RELL1: variants seen among roughly 807,000 people sequenced by gnomAD.
The protein encoded by RELL1 is RELT-like protein 1.
A neutral mutation model predicts 23.0 loss-of-function variants in RELL1; 10 were observed. The observed-to-expected ratio is 0.43, with a 90% confidence interval of 0.27 to 0.74. The LOEUF is 0.74. Among genes scored for constraint, RELL1 ranks in the 30% least tolerant of loss-of-function variants. The pLI is 0.19. For missense variants in RELL1, 315 were observed against 364.4 expected (o/e 0.86, Z 1.10); for synonymous variants, 146 against 146.8 (o/e 0.99, Z 0.04).
intron 6 of RELL1, among the ~76,000 whole-genome samples, chr4:37,593,104 G>T (rs1718695215): frequency 6.6e-6 from 1 of 152,158 alleles, no homozygotes; most frequent in Non-Finnish European, 1.5e-5. Flanking sequence ...TAAAGTCTTG[G>T]CATTGTTAAT....
chr4:37,643,467 T>C (rs892877153), intron 3 of RELL1, among the ~76,000 whole-genome samples: 1 of 152,178 alleles, frequency 6.6e-6, no homozygotes, highest in Non-Finnish European at 1.5e-5. Context: ...TATATCATGA[T>C]TGCAAATGTT....
At chr4:37,674,386 A>T (rs1721947362) in intron 1 of RELL1, among the ~76,000 whole-genome samples, 1 of 152,250 alleles carries the variant, frequency 6.6e-6, no homozygotes, top group Admixed American at 6.5e-5. Flanking sequence ...CACGACTGTG[A>T]AATGAGTTTC....
chr4:37,629,207 A>C (rs965912212), intron 6 of RELL1, among the ~76,000 whole-genome samples: 2 of 152,172 alleles, frequency 1.3e-5, no homozygotes, highest in African/African-American at 4.8e-5. Context: ...TATGACCCAT[A>C]CTTTCTTTGC....
intron 1 of RELL1, among the ~76,000 whole-genome samples, chr4:37,679,180 G>A (rs1722122423): frequency 6.6e-6 from 1 of 152,166 alleles, no homozygotes; most frequent in African/African-American, 2.4e-5. Flanking sequence ...AAAGAGAACT[G>A]TGTTAGTAAC....
Position 37,612,475 on chromosome 4 carries a change from A to G in RELL1, c.*871T>C, listed in dbSNP as rs546905803. Among the ~76,000 whole-genome samples the G allele has an allele frequency of 2.0e-5, 3 of 152,038 alleles. No homozygotes were observed. In the South Asian group the frequency reaches 6.2e-4, roughly 32 times the overall value. On this transcript the variant is annotated 3_prime_UTR_variant, in exon 7 of 7. Coordinates refer to ENST00000454158, the MANE Select transcript of RELL1 (RefSeq NM_001085400.2). Reference sequence around the variant, plus strand: ...ATATAGTGATACCCCGTCTCTACTAAAAATACAAAAATTAGTCGAGCGTGG... The same window carrying G: ...ATATAGTGATACCCCGTCTCTACTAGAAATACAAAAATTAGTCGAGCGTGG...
intron 6 of RELL1, among the ~76,000 whole-genome samples, chr4:37,622,454 T>C (rs1719799674): frequency 6.6e-6 from 1 of 152,230 alleles, no homozygotes; most frequent in African/African-American, 2.4e-5. Flanking sequence ...CCTGCAGACT[T>C]TTAGGCTGTT....
At chr4:37,604,888 G>GAC (rs757621847) in intron 6 of RELL1, among the ~76,000 whole-genome samples, 6,354 of 61,044 alleles carry the variant, frequency 0.1, 233 homozygotes, top group Middle Eastern at 0.17. Flanking sequence ...CATACACACA[G>GAC]ACACACACAC....
At chr4:37,656,869 G>C (rs1338714027) in intron 1 of RELL1, among the ~76,000 whole-genome samples, 1 of 152,278 alleles carries the variant, frequency 6.6e-6, no homozygotes, top group African/African-American at 2.4e-5. Context: ...ATCCAATCTT[G>C]GACTTCCCAT....
chr4:37,647,333 T>C, intron 3 of RELL1, 35 bp downstream of exon 3: 2 of 1,461,554 alleles, frequency 1.4e-6, no homozygotes, highest in Non-Finnish European at 1.9e-6. Context: ...AGGATAGGAA[T>C]ACTGAATTGT....
chr4:37,676,808 TC>T (rs1722036627), intron 1 of RELL1, among the ~76,000 whole-genome samples: 1 of 152,008 alleles, frequency 6.6e-6, no homozygotes, highest in Non-Finnish European at 1.5e-5. Context: ...GGACCAAGAG[TC>T]CTAACACCTG....
intron 6 of RELL1, among the ~76,000 whole-genome samples, chr4:37,630,242 G>A (rs961626506): frequency 2.6e-5 from 4 of 151,712 alleles, no homozygotes; most frequent in African/African-American, 9.7e-5. Flanking sequence ...TTTTACAAGG[G>A]ATAAGAAACA....
chr4:37,666,221 G>A (rs1721524549), intron 1 of RELL1, among the ~76,000 whole-genome samples: 1 of 152,190 alleles, frequency 6.6e-6, no homozygotes, highest in African/African-American at 2.4e-5. Flanking sequence ...CAAGAACAAA[G>A]TATTGAAGCT....
intron 6 of RELL1, among the ~76,000 whole-genome samples, chr4:37,603,008 A>G (rs1274923677): frequency 6.6e-6 from 1 of 152,266 alleles, no homozygotes; most frequent in Non-Finnish European, 1.5e-5. Flanking sequence ...TTAGAAAAAA[A>G]CTAGACTTGA....
rs767628401 is a variant in RELL1 at position 37,649,457 on chromosome 4, GGTC to G, written c.129_131del (p.Thr44del). 21 of 1,614,092 alleles carry G rather than the reference GGTC, an allele frequency of 1.3e-5. No homozygotes were observed. The highest frequency in any genetic ancestry group is 1.7e-5 in the Admixed American group (1 of 60,030). On this transcript the variant is annotated inframe_deletion, in exon 2 of 7. Coordinates refer to ENST00000454158, the MANE Select transcript of RELL1 (RefSeq NM_001085400.2). ...TCCCAGTATCGTTGCTGGGCGACGG[GGTC>G]GTCTCTGTTCTGGAGTGCAATGTGC...
chr4:37,663,295 G>A (rs528053833), intron 1 of RELL1, among the ~76,000 whole-genome samples: 5 of 152,226 alleles, frequency 3.3e-5, no homozygotes, highest in Admixed American at 2.6e-4. Context: ...CCTGGGAAGG[G>A]GCTGGGTGGC....
chr4:37,635,626 A>G (rs1450435297), intron 4 of RELL1, among the ~76,000 whole-genome samples: 1 of 152,164 alleles, frequency 6.6e-6, no homozygotes, highest in African/African-American at 2.4e-5. Context: ...ACCTGTCTCT[A>G]GAAGAAAAAA....
At chr4:37,640,909 A>C (rs568796453) in intron 3 of RELL1, among the ~76,000 whole-genome samples, 3 of 152,352 alleles carry the variant, frequency 2.0e-5, no homozygotes, top group South Asian at 4.1e-4. Flanking sequence ...AGGGAAAACA[A>C]CACCAATAGG....
At chr4:37,626,706 A>G (rs981180425) in intron 6 of RELL1, among the ~76,000 whole-genome samples, 1 of 152,216 alleles carries the variant, frequency 6.6e-6, no homozygotes, top group Non-Finnish European at 1.5e-5. Flanking sequence ...TCGGCCAGAA[A>G]AAAAGAAGGA....
At chr4:37,669,649 G>A (rs965376852) in intron 1 of RELL1, among the ~76,000 whole-genome samples, 7 of 152,148 alleles carry the variant, frequency 4.6e-5, no homozygotes, top group African/African-American at 1.7e-4. Context: ...TGTGTAGAAA[G>A]AGGTAGACAT....
Sources: allele counts gnomAD v4.1 joint callset (sites outside exome capture counted in the v4.1 genomes callset), GRCh38; gene constraint gnomAD v4.1.1; transcripts MANE v1.5; gene names NCBI Gene and HGNC (gene_info 2026-07-23, HGNC 2026-07-21).